The following DIAPH2 variants were observed in gnomAD, a reference collection of about 807,000 sequenced individuals.
DIAPH2 encodes protein diaphanous homolog 2.
A neutral mutation model predicts 92.7 loss-of-function variants in DIAPH2; 35 were observed. The observed-to-expected ratio is 0.38, with a 90% CI of 0.29 to 0.50. The LOEUF (loss-of-function observed/expected upper bound fraction) is 0.50, where lower values mean the gene tolerates loss of function less well. DIAPH2 is among the 20% of genes least tolerant of loss of function. The pLI is 0.94. For missense variants in DIAPH2, 701 were observed against 819.5 expected (o/e 0.86, Z 1.77); for synonymous variants, 301 against 280.4 (o/e 1.07, Z -0.73).
intron 1 of DIAPH2, 25 bp from the exon 2 acceptor site, chrX:96,735,733 G>A (rs747836282): frequency 2.7e-5 from 26 of 971,808 alleles, no homozygotes; most frequent in Non-Finnish European, 3.7e-5. Flanking sequence ...GGTTTTTTTT[G>A]TTTGTTTCTT....
At chrX:96,809,595 G>A (rs1168635757) in intron 4 of DIAPH2, among the ~76,000 whole-genome samples, 2 of 108,363 alleles carry the variant, frequency 1.8e-5, no homozygotes, top group Non-Finnish European at 3.8e-5. Flanking sequence ...GTATACATGT[G>A]CCATGTTGGT....
intron 22 of DIAPH2, among the ~76,000 whole-genome samples, chrX:97,197,421 C>T (rs1023246739): frequency 2.7e-5 from 3 of 111,902 alleles, no homozygotes; most frequent in Non-Finnish European, 3.8e-5. Flanking sequence ...ATATATGCCT[C>T]ATTTTAAGAA....
chrX:97,294,195 C>T (rs1024113985), intron 23 of DIAPH2, among the ~76,000 whole-genome samples: 2 of 111,861 alleles, frequency 1.8e-5, no homozygotes, highest in East Asian at 2.8e-4. Context: ...TAATAGACAG[C>T]CCCTGACTTT....
chrX:97,311,974 C>G (rs1343852756), intron 23 of DIAPH2, among the ~76,000 whole-genome samples: 1 of 109,996 alleles, frequency 9.1e-6, no homozygotes, highest in Non-Finnish European at 1.9e-5. Flanking sequence ...ACTACAGGCG[C>G]CCGCCACCAA....
At chrX:97,119,848 C>A (rs2067042921) in intron 21 of DIAPH2, among the ~76,000 whole-genome samples, 1 of 111,628 alleles carries the variant, frequency 9.0e-6, no homozygotes. Context: ...TCACAGGCCT[C>A]ACCCAGCTCC....
intron 23 of DIAPH2, among the ~76,000 whole-genome samples, chrX:97,336,248 T>C (rs112353102): frequency 5.2e-4 from 51 of 98,069 alleles, no homozygotes; most frequent in African/African-American, 1.4e-3. Flanking sequence ...CTTTTCTTTT[T>C]TTTTTTTTTT....
chrX:96,830,570 C>CAAA lies in DIAPH2; in HGVS notation c.448-50984_448-50982dup, dbSNP rs776270215. Among the ~76,000 whole-genome samples the CAAA allele has an allele frequency of 9.1e-3, 122 of 13,450 alleles. 17 individuals carry two copies. The highest frequency in any genetic ancestry group is 0.067 in the Middle Eastern group (1 of 15). 11.7% of individuals were successfully genotyped at this position (13,450 alleles called of 115,157 possible). A position where few individuals can be genotyped will look rare whatever the true frequency, so the allele number is the denominator to read the frequency against. The stretch of plus-strand genomic sequence containing the variant: ...TGGGCGACAGAGCGAGACTCAGTCT[C>CAAA]AAAAAAAAAAAAAAAAAAAAAAAAA... On this transcript the variant is annotated intron_variant, in intron 4 of 26. Coordinates refer to ENST00000324765, the MANE Select transcript of DIAPH2 (RefSeq NM_006729.5).
intron 1 of DIAPH2, among the ~76,000 whole-genome samples, chrX:96,714,113 A>G (rs952461196): frequency 9.0e-6 from 1 of 110,670 alleles, no homozygotes; most frequent in African/African-American, 3.3e-5. Flanking sequence ...TACAGCCTCC[A>G]CTTTTTTTTC....
At position 97,189,362 on chromosome X, in the gene DIAPH2, C is replaced by A. The variant is rs944015415; in HGVS notation, c.2719+47568C>A. 9.1e-5 allele frequency among the ~76,000 whole-genome samples: 10 copies of A among 109,888 alleles called. No individual in the cohort carries two copies. The Admixed American group carries it at 9.8e-4, about 11-fold the overall frequency. Reference sequence around the variant, plus strand: ...ATGTGGCCCCCAAGGTCGTATTTACCAGAGAGAACAGTCTGAGAAACAAGC... The same window carrying A: ...ATGTGGCCCCCAAGGTCGTATTTACAAGAGAGAACAGTCTGAGAAACAAGC... On this transcript the variant is annotated intron_variant, in intron 22 of 26. Coordinates refer to ENST00000324765, the MANE Select transcript of DIAPH2 (RefSeq NM_006729.5).
chrX:97,566,180 C>G (rs1162130525), intron 26 of DIAPH2, among the ~76,000 whole-genome samples: 1 of 111,882 alleles, frequency 8.9e-6, no homozygotes, highest in Non-Finnish European at 1.9e-5. Flanking sequence ...GAAAATGTCC[C>G]TTGGAATTAA....
intron 25 of DIAPH2, among the ~76,000 whole-genome samples, chrX:97,397,857 C>G (rs1424819066): frequency 8.9e-6 from 1 of 112,323 alleles, no homozygotes; most frequent in African/African-American, 3.2e-5. Context: ...TGTGTTCCCT[C>G]TAGTCCTCTT....
chrX:97,054,366 A>G (rs771128094), intron 17 of DIAPH2, among the ~76,000 whole-genome samples: 1 of 111,970 alleles, frequency 8.9e-6, no homozygotes, highest in Non-Finnish European at 1.9e-5. Flanking sequence ...TGATCAAGAT[A>G]TTGCTGATGG....
chrX:97,405,960 A>G, intron 25 of DIAPH2, among the ~76,000 whole-genome samples: 1 of 111,730 alleles, frequency 9.0e-6, no homozygotes, highest in South Asian at 3.8e-4. Context: ...GAACTCTTAA[A>G]TAGGAAAACC....
At chrX:97,593,928 T>A (rs1306546479) in intron 26 of DIAPH2, among the ~76,000 whole-genome samples, 1 of 111,564 alleles carries the variant, frequency 9.0e-6, no homozygotes, top group Non-Finnish European at 1.9e-5. Context: ...TATTAGCACA[T>A]TTTTAAAAAG....
At chrX:97,515,981 C>T (rs957384444) in intron 26 of DIAPH2, among the ~76,000 whole-genome samples, 6 of 111,009 alleles carry the variant, frequency 5.4e-5, no homozygotes, top group African/African-American at 2.0e-4. Flanking sequence ...AGGCCGGGCA[C>T]CGTGGCTCAT....
At chrX:97,557,422 C>G (rs749703726) in intron 26 of DIAPH2, among the ~76,000 whole-genome samples, 1 of 111,317 alleles carries the variant, frequency 9.0e-6, no homozygotes. Context: ...GCCTGTAATC[C>G]CAGCTACTCG....
chrX:97,305,424 C>A lies in DIAPH2; in HGVS notation c.2845-42692C>A, dbSNP rs777294798. 6.3e-5 allele frequency among the ~76,000 whole-genome samples: 7 copies of A among 110,316 alleles called. No individual in the cohort carries two copies. The South Asian group carries it at 2.7e-3, about 43-fold the overall frequency. On this transcript the variant is annotated intron_variant, in intron 23 of 26. Coordinates refer to ENST00000324765, the MANE Select transcript of DIAPH2 (RefSeq NM_006729.5). ...AGGAGAATCACTTGAACCCAGGAGG[C>A]AGAGATTGCAGTGAGAAAAGATTGC... is the stretch of plus-strand genomic sequence containing the variant.
intron 23 of DIAPH2, among the ~76,000 whole-genome samples, chrX:97,310,264 CTAGA>C (rs1322405959): frequency 8.9e-6 from 1 of 112,228 alleles, no homozygotes; most frequent in Non-Finnish European, 1.9e-5. Context: ...TCCTAATCTG[CTAGA>C]TAGTGTTGTA....
intron 23 of DIAPH2, among the ~76,000 whole-genome samples, chrX:97,337,537 T>G (rs188803282): frequency 1.8e-5 from 2 of 111,514 alleles, no homozygotes; most frequent in African/African-American, 6.5e-5. Flanking sequence ...CCACCATGAT[T>G]GTAAGTTTCC....
Sources: gnomAD v4.1 joint callset for allele counts (sites outside exome capture counted in the v4.1 genomes callset) on GRCh38, gnomAD v4.1.1 for gene constraint, MANE v1.5 for transcripts, NCBI Gene and HGNC (gene_info 2026-07-23, HGNC 2026-07-21) for gene names.